Variants in NEGR1 observed in about 807,000 individuals in gnomAD.
The protein encoded by NEGR1 is IgLON family member 4.
A neutral mutation model predicts 40.9 loss-of-function variants in NEGR1; 10 were observed. The observed-to-expected ratio is 0.24, with a 90% CI of 0.15 to 0.42. The LOEUF is 0.42. NEGR1 is among the 10% of genes least tolerant of loss of function. The probability of loss-of-function intolerance (pLI) is 1.00; values close to 1 mark genes in which losing one functional copy is unlikely to be tolerated. For synonymous variants in NEGR1, 185 were observed against 166.8 expected (o/e 1.11, Z -0.84); for missense variants, 352 against 438.9 (o/e 0.80, Z 1.77).
At chr1:71,592,292 T>C (rs1649528569) in intron 6 of NEGR1, among the ~76,000 whole-genome samples, 1 of 152,142 alleles carries the variant, frequency 6.6e-6, no homozygotes, top group Non-Finnish European at 1.5e-5. Context: ...AAATCTTAAG[T>C]TTTATTTTAA....
chr1:71,764,473 T>C (rs909784705), intron 3 of NEGR1, among the ~76,000 whole-genome samples: 3 of 152,248 alleles, frequency 2.0e-5, no homozygotes, highest in Non-Finnish European at 4.4e-5. Context: ...TATTTTAGAC[T>C]ATGGAAATGA....
At chr1:71,560,019 C>T (rs1648394006) in intron 6 of NEGR1, among the ~76,000 whole-genome samples, 1 of 151,276 alleles carries the variant, frequency 6.6e-6, no homozygotes, top group South Asian at 2.1e-4. Flanking sequence ...ATCATCTTCA[C>T]TTGAAGTCTA....
chr1:72,008,651 A>C (rs1242089896), intron 1 of NEGR1, among the ~76,000 whole-genome samples: 1 of 152,102 alleles, frequency 6.6e-6, no homozygotes, highest in Non-Finnish European at 1.5e-5. Context: ...TTGTAAACTC[A>C]CTGAAAGTTT....
intron 1 of NEGR1, among the ~76,000 whole-genome samples, chr1:72,047,539 A>G (rs929639452): frequency 6.6e-6 from 1 of 151,464 alleles, no homozygotes; most frequent in Non-Finnish European, 1.5e-5. Flanking sequence ...TTCATAAATT[A>G]TAAGTAATCC....
At chr1:71,982,364 T>A (rs898710083) in intron 1 of NEGR1, among the ~76,000 whole-genome samples, 1 of 144,798 alleles carries the variant, frequency 6.9e-6, no homozygotes, top group African/African-American at 2.8e-5. Context: ...GGGTTAGCTC[T>A]CTTTGGTCTA....
intron 6 of NEGR1, among the ~76,000 whole-genome samples, chr1:71,443,379 A>T (rs982201211): frequency 2.6e-5 from 4 of 152,216 alleles, no homozygotes; most frequent in Non-Finnish European, 4.4e-5. Flanking sequence ...GCACCTAAAA[A>T]TACGTTGCTA....
At chr1:72,144,739 C>T (rs1364276134) in intron 1 of NEGR1, among the ~76,000 whole-genome samples, 1 of 152,034 alleles carries the variant, frequency 6.6e-6, no homozygotes, top group East Asian at 1.9e-4. Context: ...GGAACAGGGT[C>T]TAGTGGAACT....
intron 4 of NEGR1, among the ~76,000 whole-genome samples, chr1:71,622,920 G>T (rs1650655920): frequency 6.6e-6 from 1 of 151,728 alleles, no homozygotes; most frequent in African/African-American, 2.4e-5. Context: ...ATAATAACTG[G>T]ATCTGATTTC....
intron 6 of NEGR1, chr1:71,421,465 T>A (rs150772527): frequency 6.6e-6 from 1 of 152,090 alleles, no homozygotes; most frequent in Admixed American, 6.6e-5. Flanking sequence ...TATTCCTGAA[T>A]AGCAAAGGTA....
At chr1:72,085,688 G>A (rs775172786) in intron 1 of NEGR1, among the ~76,000 whole-genome samples, 4 of 151,894 alleles carry the variant, frequency 2.6e-5, no homozygotes, top group South Asian at 4.2e-4. Context: ...ATGTGATTCC[G>A]GCCAGGCGCA....
chr1:71,781,648 A>G (rs527682435), intron 2 of NEGR1, among the ~76,000 whole-genome samples: 1 of 152,320 alleles, frequency 6.6e-6, no homozygotes, highest in Admixed American at 6.5e-5. Context: ...TGTAACCACA[A>G]TATTCTGGCA....
intron 1 of NEGR1, among the ~76,000 whole-genome samples, chr1:72,154,298 A>C (rs1297997112): frequency 3.3e-5 from 5 of 151,934 alleles, no homozygotes; most frequent in African/African-American, 1.2e-4. Context: ...TAGACATTCA[A>C]ATCAAGACCC....
intron 1 of NEGR1, among the ~76,000 whole-genome samples, chr1:71,960,074 G>A (rs1207763099): frequency 6.6e-6 from 1 of 152,098 alleles, no homozygotes; most frequent in African/African-American, 2.4e-5. Context: ...AGTAGGGCAA[G>A]CATATATTCC....
chr1:71,985,947 G>T (rs976157542), intron 1 of NEGR1, among the ~76,000 whole-genome samples: 1 of 152,072 alleles, frequency 6.6e-6, no homozygotes, highest in Non-Finnish European at 1.5e-5. Context: ...GGATAACTTT[G>T]CTCATGAGAA....
At chr1:71,582,939 A>C (rs1001833007) in intron 6 of NEGR1, among the ~76,000 whole-genome samples, 1 of 152,122 alleles carries the variant, frequency 6.6e-6, no homozygotes, top group Non-Finnish European at 1.5e-5. Context: ...GTTTGATTAC[A>C]TTTTCAGTGA....
At chr1:71,477,887 T>C (rs749774483) in intron 6 of NEGR1, among the ~76,000 whole-genome samples, 32 of 141,198 alleles carry the variant, frequency 2.3e-4, no homozygotes, top group Non-Finnish European at 4.9e-4. Context: ...TGCTTCACTC[T>C]TGGATTTTTA....
At chr1:72,095,980 T>A (rs1164325090) in intron 1 of NEGR1, among the ~76,000 whole-genome samples, 1 of 152,196 alleles carries the variant, frequency 6.6e-6, no homozygotes, top group Non-Finnish European at 1.5e-5. Flanking sequence ...ATTTCCTTTT[T>A]TTTAAGCTTT....
chr1:71,841,630 G>A (rs1355424655), intron 2 of NEGR1, among the ~76,000 whole-genome samples: 1 of 152,094 alleles, frequency 6.6e-6, no homozygotes, highest in Non-Finnish European at 1.5e-5. Context: ...GAAAGATTAG[G>A]TAGCCTCTCA....
At chr1:71,970,366 G>T (rs943018093) in intron 1 of NEGR1, among the ~76,000 whole-genome samples, 5 of 152,140 alleles carry the variant, frequency 3.3e-5, no homozygotes, top group African/African-American at 1.2e-4. Flanking sequence ...TTTTAAGCAG[G>T]AGAATGCATA....
Sources: allele counts gnomAD v4.1 joint callset (sites outside exome capture counted in the v4.1 genomes callset), GRCh38; gene constraint gnomAD v4.1.1; transcripts MANE v1.5; gene names NCBI Gene and HGNC (gene_info 2026-07-23, HGNC 2026-07-21).